Variants in INA observed in about 807,000 individuals in gnomAD.
INA encodes alpha-internexin.
In INA, 35 loss-of-function variants were observed where a neutral mutation model predicts 40.1. The ratio of observed to expected loss-of-function variants is 0.87; its 90% confidence interval spans 0.67 to 1.16. The LOEUF (loss-of-function observed/expected upper bound fraction) is 1.16, where lower values mean the gene tolerates loss of function less well. Among genes scored for constraint, INA ranks in the 50% most tolerant of loss-of-function variants. INA has a pLI of 0.00. For synonymous variants in INA, 290 were observed against 316.9 expected (o/e 0.92, Z 0.90); for missense variants, 594 against 686.7 (o/e 0.87, Z 1.51).
chr10:103,284,053 G>A (rs1241488106), intron 1 of INA, among the ~76,000 whole-genome samples: 1 of 151,396 alleles, frequency 6.6e-6, no homozygotes, highest in East Asian at 2.0e-4. Context: ...ACAGGCATGA[G>A]CCACCATGCC....
At chr10:103,279,922 A>G in intron 1 of INA, 4 of 1,289,022 alleles carry the variant, frequency 3.1e-6, no homozygotes, top group Non-Finnish European at 3.0e-6. Context: ...GCTAATTGAG[A>G]CTTCATTTTT....
chr10:103,288,740 C>T lies in INA; in HGVS notation c.*71C>T. 1.0e-6 allele frequency: 1 copy of T among 979,092 alleles called. No individual in the cohort carries two copies. Among genetic ancestry groups the T allele is most frequent in the Admixed American group, 2.6e-5 (1 of 37,894 alleles). The allele number at this position is 979,092 out of a possible 1,614,324, so 60.7% of individuals were successfully genotyped here. The stretch of plus-strand genomic sequence containing the variant: ...ATTTGACTTGTTAAACAGCCTATTC[C>T]TGAACTATAACACCTGCCACCACTA... On this transcript the variant is annotated 3_prime_UTR_variant, in exon 3 of 3. Transcript: ENST00000369849.
Position 103,288,616 on chromosome 10 carries a change from A to C in INA, c.1447A>C (p.Lys483Gln), listed in dbSNP as rs185636023. The change falls in exon 3 of 3, where the codon AAA becomes CAA. Residue 483 changes from lysine to glutamine, a missense_variant. Physicochemically the swap from Lys to Gln is moderately conservative, Grantham distance 53. Transcript: ENST00000369849. ...ILEETVISTKKTEKSNIEETT... is the reference protein window; with the variant it reads ...ILEETVISTKQTEKSNIEETT... ...AGAGGAGACAGTAATATCTACTAAG[A>C]AAACCGAGAAATCAAATATAGAAGA... 3.6e-4 allele frequency: 582 copies of C among 1,598,742 alleles called. No homozygotes were observed. The highest frequency in any genetic ancestry group is 2.9e-3 in the Admixed American group (159 of 55,518).
rs1191809700 is a variant in INA at position 103,289,132 on chromosome 10, C to A, written c.*463C>A. 1 of 153,322 alleles carries A rather than the reference C, an allele frequency of 6.5e-6. No homozygotes were observed. The highest frequency in any genetic ancestry group is 1.9e-4 in the East Asian group (1 of 5,214). The allele number at this position is 153,322 out of a possible 1,614,324, so 9.5% of individuals were successfully genotyped here. On this transcript the variant is annotated 3_prime_UTR_variant, in exon 3 of 3. Transcript: ENST00000369849. The stretch of plus-strand genomic sequence containing the variant: ...CAATTCCACTCTGATAGAATTATTT[C>A]ACAAATAATAGGTGTTTGTTTAATG...
rs959670264 is a variant in INA at position 103,278,354 on chromosome 10, C to T, written c.1065+78C>T. ...ACCCTCTTCCTCTGGTAAAACTGGG[C>T]CCCAGGACTTAAGGGGAGGGCAAAA... On this transcript the variant is annotated intron_variant, in intron 1 of 2. Transcript: ENST00000369849. This position sits in a 1 kb window ranked among gnomAD's most constrained non-coding sequence, Gnocchi z 4.9. 9.0e-6 allele frequency: 11 copies of T among 1,221,592 alleles called. No individual in the cohort carries two copies. Among genetic ancestry groups the T allele is most frequent in the Admixed American group, 8.3e-5 (3 of 36,002 alleles). 75.7% of individuals were successfully genotyped at this position (1,221,592 alleles called of 1,614,324 possible).
chr10:103,284,786 A>G (rs1276769045), intron 1 of INA, among the ~76,000 whole-genome samples: 1 of 151,850 alleles, frequency 6.6e-6, no homozygotes, highest in African/African-American at 2.4e-5. Flanking sequence ...ATAATTTCAT[A>G]TAATGGTAAG....
intron 1 of INA, among the ~76,000 whole-genome samples, chr10:103,282,901 T>C (rs2093075705): frequency 6.6e-6 from 1 of 152,212 alleles, no homozygotes; most frequent in Non-Finnish European, 1.5e-5. Flanking sequence ...CCATGTGGTA[T>C]GATATTATCA....
At position 103,280,667 on chromosome 10, in the gene INA, T is replaced by A. The variant is rs1015650035; in HGVS notation, c.1065+2391T>A. On this transcript the variant is annotated intron_variant, in intron 1 of 2. Coordinates refer to ENST00000369849, the MANE Select transcript of INA (RefSeq NM_032727.4). Reference sequence around the variant, plus strand: ...TTTAAGGAGAGAAAGCTTCTTACACTTTTGAAAGGGTAAAAAATGATTCAC... The same window carrying A: ...TTTAAGGAGAGAAAGCTTCTTACACATTTGAAAGGGTAAAAAATGATTCAC... The A allele has an allele frequency of 7.3e-5, 72 of 985,304 alleles. 1 individual carries two copies. In the African/African-American group the frequency reaches 1.2e-3, roughly 16 times the overall value. 61.0% of individuals were successfully genotyped at this position (985,304 alleles called of 1,614,324 possible).
intron 1 of INA, chr10:103,280,574 C>A: frequency 8.1e-6 from 8 of 985,412 alleles, no homozygotes; most frequent in Non-Finnish European, 9.6e-6. Context: ...AAACTTGGCA[C>A]CCTCTATGAA....
In INA at chr10:103,278,903, GCA is replaced by G. The variant is rs369168949; in HGVS notation, c.1065+657_1065+658del. On this transcript the variant is annotated intron_variant, in intron 1 of 2. Coordinates refer to ENST00000369849, the MANE Select transcript of INA (RefSeq NM_032727.4). This position sits in a 1 kb window ranked among gnomAD's most constrained non-coding sequence, Gnocchi z 4.9. Reference sequence around the variant, plus strand: ...ACACACACGATTCCCTTGTCCACCAGCACACACACACACACACACACACACAC... The same window carrying G: ...ACACACACGATTCCCTTGTCCACCAGCACACACACACACACACACACACAC... Among the ~76,000 whole-genome samples, 483 of 136,646 alleles carry G rather than the reference GCA, an allele frequency of 3.5e-3. 3 individuals are homozygous for G. Among genetic ancestry groups the G allele is most frequent in the African/African-American group, 6.7e-3 (244 of 36,660 alleles). The allele number at this position is 136,646 out of a possible 152,430, so 89.6% of individuals were successfully genotyped here. A position where few individuals can be genotyped will look rare whatever the true frequency, so the allele number is the denominator to read the frequency against.
chr10:103,279,483 G>A (rs1050586437), intron 1 of INA, among the ~76,000 whole-genome samples: 6 of 152,188 alleles, frequency 3.9e-5, no homozygotes, highest in Admixed American at 6.5e-5. Context: ...ACAGAGGCAG[G>A]GGACAGGGTA....
chr10:103,287,224 G>A (rs72846177), intron 2 of INA, 65 bp downstream of exon 2: 34,594 of 1,547,002 alleles, frequency 0.022, 471 homozygotes, highest in Non-Finnish European at 0.027. Context: ...GCCCAAATAA[G>A]TGGATCTAGT....
At chr10:103,283,357 A>G (rs1318381127) in intron 1 of INA, among the ~76,000 whole-genome samples, 1 of 152,214 alleles carries the variant, frequency 6.6e-6, no homozygotes, top group Non-Finnish European at 1.5e-5. Flanking sequence ...CTATGTCAGT[A>G]GCAGAATTGA....
In INA at chr10:103,277,678, A is replaced by C. The variant is rs2093062885; in HGVS notation, c.467A>C (p.Glu156Ala). The change falls in exon 1 of 3, where the codon GAG becomes GCG. Residue 156 changes from glutamate (E) to alanine (A), a missense_variant. Transcript: ENST00000369849. This position sits in a 1 kb window ranked among gnomAD's most constrained non-coding sequence, Gnocchi z 5.6. ...ELRDLRAQLEEASSARSQALL... is the reference protein window; with the variant it reads ...ELRDLRAQLEAASSARSQALL... ...CGCGACCTGCGCGCGCAGCTGGAGGAGGCCAGCTCGGCTCGCTCGCAGGCC... is the reference window on the plus strand; with the variant it reads ...CGCGACCTGCGCGCGCAGCTGGAGGCGGCCAGCTCGGCTCGCTCGCAGGCC... 7.3e-7 allele frequency: 1 copy of C among 1,370,202 alleles called. No homozygotes were observed. The highest frequency in any genetic ancestry group is 1.5e-5 in the African/African-American group (1 of 64,872). The allele number at this position is 1,370,202 out of a possible 1,614,324, so 84.9% of individuals were successfully genotyped here.
chr10:103,286,335 C>CAAAAAAAAAAAAAAAAAAA (rs71019675), intron 1 of INA, among the ~76,000 whole-genome samples: 1 of 51,702 alleles, frequency 1.9e-5, no homozygotes. Context: ...GACCTTGTCT[C>CAAAAAAAAAAAAAAAAAAA]AAAAAAAAAA....
Position 103,288,713 on chromosome 10 carries a change from G to A in INA, c.*44G>A. 7.7e-7 allele frequency: 1 copy of A among 1,297,048 alleles called. No individual in the cohort carries two copies. The highest frequency in any genetic ancestry group is 1.1e-6 in the Non-Finnish European group (1 of 937,028). 80.3% of individuals were successfully genotyped at this position (1,297,048 alleles called of 1,614,324 possible). On this transcript the variant is annotated 3_prime_UTR_variant, in exon 3 of 3. Transcript: ENST00000369849. Reference sequence around the variant, plus strand: ...GTTAATGCTTAAGAGGGAATGATATGCATTTGACTTGTTAAACAGCCTATT... The same window carrying A: ...GTTAATGCTTAAGAGGGAATGATATACATTTGACTTGTTAAACAGCCTATT...
chr10:103,288,194 G>A (rs2093091005), intron 2 of INA, among the ~76,000 whole-genome samples, 166 bp from the exon 3 acceptor site: 1 of 152,026 alleles, frequency 6.6e-6, no homozygotes, highest in Non-Finnish European at 1.5e-5. Context: ...GTATGCACGT[G>A]GTCCAACCCT....
Position 103,277,907 on chromosome 10 carries a change from C to G in INA, c.696C>G (p.Asp232Glu), listed in dbSNP as rs778473937. Residue 232 changes from aspartate to glutamate, a missense_variant, in exon 1 of 3, where the codon GAC becomes GAG. This residue lies in a region of INA where 379 missense variants were observed against 496.1 expected (regional missense o/e 0.76). Transcript: ENST00000369849. This position sits in a 1 kb window ranked among gnomAD's most constrained non-coding sequence, Gnocchi z 5.6. ...TGGCCTTCGTACGCCAGGTGCACGA[C>G]GAGGAGGTAGCCGAGCTGCTGGCCA... ...DELAFVRQVHDEEVAELLATL... is the reference protein window; with the variant it reads ...DELAFVRQVHEEEVAELLATL... 7.1e-6 allele frequency: 11 copies of G among 1,550,830 alleles called. No homozygotes were observed. Among genetic ancestry groups the G allele is most frequent in the Non-Finnish European group, 9.6e-6 (11 of 1,147,078 alleles).
Position 103,278,008 on chromosome 10 carries a change from G to A in INA, c.797G>A (p.Arg266Lys), listed in dbSNP as rs572635763. 451 of 1,605,926 alleles carry A rather than the reference G, an allele frequency of 2.8e-4. 6 individuals carry two copies. In the South Asian group the frequency reaches 4.9e-3, roughly 17 times the overall value. ...AAACCAGACCTGACCTCGGCTCTGA[G>A]GGAGATCCGCGCCCAGTATGAGTCC... Reference protein sequence around the residue: ...VAKPDLTSALREIRAQYESLA... With the variant: ...VAKPDLTSALKEIRAQYESLA... Residue 266 changes from arginine (R) to lysine (K), a missense_variant, in exon 1 of 3, where the codon AGG becomes AAG. Arg to Lys is a conservative substitution (Grantham distance 26, BLOSUM62 2). Coordinates refer to ENST00000369849, the MANE Select transcript of INA (RefSeq NM_032727.4). The surrounding 1 kb of genome is among the most constrained non-coding windows in gnomAD (Gnocchi z 4.9).
Sources: allele counts gnomAD v4.1 joint callset (sites outside exome capture counted in the v4.1 genomes callset), GRCh38; gene constraint gnomAD v4.1.1; regional missense constraint gnomAD v4.1.1; non-coding constraint Gnocchi (gnomAD v3.1); transcripts MANE v1.5; gene names NCBI Gene and HGNC (gene_info 2026-07-23, HGNC 2026-07-21).